The following MECR variants were observed in gnomAD, a reference collection of about 807,000 sequenced individuals.
The protein encoded by MECR is mitochondrial trans-2-enoyl-CoA reductase.
Under a neutral mutation model 49.1 loss-of-function variants are expected in MECR, and 37 were observed. That is an observed-to-expected ratio of 0.75 (90% CI 0.58 to 0.99). MECR has a LOEUF of 0.99. Ranked by LOEUF, MECR falls within the 50% of genes least tolerant of loss-of-function variation. The pLI, the probability that MECR is intolerant of heterozygous loss-of-function variation, is 0.00. For missense variants in MECR, 470 were observed against 479.6 expected (o/e 0.98, Z 0.19); for synonymous variants, 198 against 191.1 (o/e 1.04, Z -0.30).
chr1:29,182,979 A>G, the MECR span, among the ~76,000 whole-genome samples: 1 of 152,262 alleles, frequency 6.6e-6, no homozygotes, highest in African/African-American at 2.4e-5. Context: ...CTCAATAAAT[A>G]TTGGTTCCCT....
downstream of MECR, among the ~76,000 whole-genome samples, chr1:29,190,329 C>T (rs568112752): frequency 2.0e-5 from 3 of 151,404 alleles, no homozygotes; most frequent in South Asian, 4.2e-4. Context: ...GAGCCGACAT[C>T]GCGCCACCCA....
chr1:29,181,965 C>G, the MECR span: 5 of 389,984 alleles, frequency 1.3e-5, no homozygotes, highest in Non-Finnish European at 2.2e-5. Context: ...CCGGAGAGAG[C>G]GCGCGTTCGC....
chr1:29,181,813 A>G, the MECR span: 4 of 1,417,382 alleles, frequency 2.8e-6, no homozygotes, highest in Non-Finnish European at 2.8e-6. Flanking sequence ...CGGCGGGCAA[A>G]GCGAGAGCAC....
At chr1:29,221,649 A>G (rs1372418701) in intron 1 of MECR, among the ~76,000 whole-genome samples, 2 of 152,214 alleles carry the variant, frequency 1.3e-5, no homozygotes, top group Non-Finnish European at 2.9e-5. Flanking sequence ...GGCTTGGACA[A>G]CTGAATGCTG....
chr1:29,207,164 C>T (rs1450913131), intron 3 of MECR, among the ~76,000 whole-genome samples: 1 of 152,078 alleles, frequency 6.6e-6, no homozygotes, highest in African/African-American at 2.4e-5. Flanking sequence ...CTCTGTAGCC[C>T]AGGCTGGAGT....
At chr1:29,198,310 G>A (rs1465462726) in intron 7 of MECR, among the ~76,000 whole-genome samples, 1 of 152,182 alleles carries the variant, frequency 6.6e-6, no homozygotes, top group African/African-American at 2.4e-5. Flanking sequence ...GAGGCAGAGG[G>A]TTTATATAAC....
the MECR span, chr1:29,169,636 A>T: frequency 6.6e-6 from 1 of 152,224 alleles, no homozygotes; most frequent in Admixed American, 6.5e-5. Context: ...GAACACAAAT[A>T]TATCAGTGGG....
chr1:29,196,209 C>T lies in MECR; in HGVS notation c.880G>A (p.Val294Ile), dbSNP rs768608453. The change falls in exon 8 of 10, where the codon GTA becomes ATA. Residue 294 changes from valine (V) to isoleucine (I), a missense_variant. By Grantham distance (29) the Val-to-Ile change is conservative. Transcript: ENST00000263702. ...TGCACCCAGCTTACCACAGAGGCTACGACGGGCTGCTTGGCCATCCCCCCA... is the reference window on the plus strand; with the variant it reads ...TGCACCCAGCTTACCACAGAGGCTATGACGGGCTGCTTGGCCATCCCCCCA... ...TYGGMAKQPV[V>I]ASVSLLIFKD... The T allele has an allele frequency of 1.1e-5, 18 of 1,614,058 alleles. No homozygotes were observed. Among genetic ancestry groups the T allele is most frequent in the African/African-American group, 1.3e-5 (1 of 74,920 alleles).
rs778142568 is a variant in MECR, at chr1:29,195,955, T to C, written c.950A>G (p.Lys317Arg). The C allele has an allele frequency of 1.2e-6, 2 of 1,614,224 alleles. No homozygotes were observed. Among genetic ancestry groups the C allele is most frequent in the South Asian group, 1.1e-5 (1 of 91,084 alleles). Residue 317 changes from lysine to arginine, a missense_variant, in exon 9 of 10, where the codon AAG (lysine) becomes AGG (arginine). Physicochemically the swap from Lys to Arg is conservative, Grantham distance 26. Coordinates refer to ENST00000263702, the MANE Select transcript of MECR (RefSeq NM_016011.5). Reference protein sequence around the residue: ...LRGFWLSQWKKDHSPDQFKEL... With the variant: ...LRGFWLSQWKRDHSPDQFKEL... Reference sequence around the variant, plus strand: ...CATGCACTCACCTGGACTGTGATCCTTCTTCCACTGGGACAACCAAAAGCC... The same window carrying C: ...CATGCACTCACCTGGACTGTGATCCCTCTTCCACTGGGACAACCAAAAGCC...
chr1:29,186,439 GTTTA>G, the MECR span, among the ~76,000 whole-genome samples: 6 of 152,116 alleles, frequency 3.9e-5, no homozygotes, highest in Non-Finnish European at 8.8e-5. Flanking sequence ...TAATTACCTG[GTTTA>G]TTTATTTACT....
the MECR span, among the ~76,000 whole-genome samples, chr1:29,180,782 T>C: frequency 2.0e-5 from 3 of 152,240 alleles, no homozygotes; most frequent in Admixed American, 6.5e-5. Context: ...CTAAAACCTG[T>C]AGCTCATGCT....
chr1:29,193,911 G>T lies in MECR; in HGVS notation c.*111C>A. The T allele has an allele frequency of 7.7e-7, 1 of 1,297,840 alleles. No homozygotes were observed. The highest frequency in any genetic ancestry group is 1.1e-6 in the Non-Finnish European group (1 of 933,064). 80.4% of individuals were successfully genotyped at this position (1,297,840 alleles called of 1,614,324 possible). A position where few individuals can be genotyped will look rare whatever the true frequency, so the allele number is the denominator to read the frequency against. On this transcript the variant is annotated 3_prime_UTR_variant, in exon 10 of 10. Transcript: ENST00000263702. The stretch of plus-strand genomic sequence containing the variant: ...TTCACCATCCTCCTAATAGGAAGAG[G>T]CAGTGAGGAGAACAGTAGTCTGGGG...
intron 1 of MECR, chr1:29,230,415 T>C (rs959427359): frequency 7.2e-5 from 23 of 319,710 alleles, no homozygotes; most frequent in Admixed American, 1.1e-4. Context: ...ATCTGCAAAA[T>C]GGGGATAAAT....
At chr1:29,208,603 G>A (rs958700978) in intron 3 of MECR, among the ~76,000 whole-genome samples, 9 of 152,234 alleles carry the variant, frequency 5.9e-5, no homozygotes, top group African/African-American at 2.2e-4. Flanking sequence ...ATCGAACATC[G>A]ACTTTGAACC....
chr1:29,174,438 C>T, the MECR span, among the ~76,000 whole-genome samples: 2 of 152,024 alleles, frequency 1.3e-5, no homozygotes, highest in Non-Finnish European at 2.9e-5. Context: ...TAAAGATAAC[C>T]TAAATGCCTT....
chr1:29,204,124 CA>C (rs1464248262), intron 4 of MECR, among the ~76,000 whole-genome samples: 1 of 152,100 alleles, frequency 6.6e-6, no homozygotes, highest in Non-Finnish European at 1.5e-5. Context: ...GAGGCTGAGG[CA>C]GGAGAATCGC....
At chr1:29,198,449 C>T (rs922435373) in intron 7 of MECR, among the ~76,000 whole-genome samples, 11 of 152,236 alleles carry the variant, frequency 7.2e-5, no homozygotes, top group Non-Finnish European at 1.3e-4. Context: ...CCAGTGCCTA[C>T]ACCCGTAACA....
downstream of MECR, among the ~76,000 whole-genome samples, chr1:29,190,841 C>T (rs1281415554): frequency 1.3e-5 from 2 of 151,608 alleles, no homozygotes; most frequent in Non-Finnish European, 2.9e-5. Flanking sequence ...AAACTGACGC[C>T]TAACACCTCT....
intron 1 of MECR, chr1:29,223,252 GCTGTA>G: frequency 2.0e-6 from 2 of 985,400 alleles, no homozygotes; most frequent in Non-Finnish European, 2.4e-6. Context: ...TGAGGCCAAG[GCTGTA>G]CACCTGTGAT....
Sources: allele counts gnomAD v4.1 joint callset (sites outside exome capture counted in the v4.1 genomes callset), GRCh38; gene constraint gnomAD v4.1.1; transcripts MANE v1.5; gene names NCBI Gene and HGNC (gene_info 2026-07-23, HGNC 2026-07-21).